The following RARB variants were observed in gnomAD, a reference collection of about 807,000 sequenced individuals.
RARB encodes the protein HBV-activated protein.
Under a neutral mutation model 51.9 loss-of-function variants are expected in RARB, and 17 were observed. The ratio of observed to expected loss-of-function variants is 0.33; its 90% CI spans 0.22 to 0.49. The LOEUF is 0.49. Ranked by LOEUF, RARB falls within the 20% of genes least tolerant of loss-of-function variation. The probability of loss-of-function intolerance (pLI) is 0.99; values close to 1 mark genes in which losing one functional copy is unlikely to be tolerated. For synonymous variants in RARB, 215 were observed against 195.4 expected, an observed-to-expected ratio of 1.10 and a Z score of -0.84; for missense variants, 369 against 550.8, an observed-to-expected ratio of 0.67 and a Z score of 3.30.
At chr3:25,212,899 C>G (rs557349771) in intron 5 of RARB, among the ~76,000 whole-genome samples, 1 of 152,134 alleles carries the variant, frequency 6.6e-6, no homozygotes, top group Non-Finnish European at 1.5e-5. Context: ...TACCAAAGGT[C>G]GCTCACTTGG....
intron 3 of RARB, among the ~76,000 whole-genome samples, chr3:25,551,474 G>A (rs148417633): frequency 6.6e-6 from 1 of 152,276 alleles, no homozygotes; most frequent in East Asian, 1.9e-4. Flanking sequence ...TGACTCATGG[G>A]CCCTCAGATG....
chr3:25,198,953 A>C (rs1317177365), intron 5 of RARB, among the ~76,000 whole-genome samples: 4 of 152,132 alleles, frequency 2.6e-5, no homozygotes, highest in East Asian at 1.9e-4. Context: ...ATATACCCCC[A>C]AAAAAGGAAA....
At chr3:24,935,521 G>A (rs1695531037) in intron 2 of RARB, among the ~76,000 whole-genome samples, 1 of 152,164 alleles carries the variant, frequency 6.6e-6, no homozygotes, top group Non-Finnish European at 1.5e-5. Context: ...CACAGCAGAA[G>A]TGGGCTTAAT....
chr3:25,165,945 TA>T (rs1291562514), intron 4 of RARB, among the ~76,000 whole-genome samples: 5 of 152,182 alleles, frequency 3.3e-5, no homozygotes, highest in African/African-American at 1.2e-4. Context: ...TATTTCTTTT[TA>T]AAATGGCCTA....
At chr3:25,185,967 A>G (rs1700966134) in intron 5 of RARB, among the ~76,000 whole-genome samples, 1 of 152,132 alleles carries the variant, frequency 6.6e-6, no homozygotes, top group African/African-American at 2.4e-5. Context: ...AGAACAGAAA[A>G]CAGAGTTGTA....
At chr3:25,185,273 C>A (rs750664032) in intron 5 of RARB, among the ~76,000 whole-genome samples, 67 of 152,034 alleles carry the variant, frequency 4.4e-4, no homozygotes, top group Non-Finnish European at 7.9e-4. Flanking sequence ...GAGTTCACAT[C>A]CAAGAAATAC....
At chr3:24,942,759 T>C (rs1280701610) in intron 2 of RARB, among the ~76,000 whole-genome samples, 1 of 152,194 alleles carries the variant, frequency 6.6e-6, no homozygotes, top group African/African-American at 2.4e-5. Flanking sequence ...ATTAGTGGCA[T>C]TGATAGAGAA....
At chr3:24,962,420 C>T (rs566499946) in intron 2 of RARB, among the ~76,000 whole-genome samples, 3 of 152,282 alleles carry the variant, frequency 2.0e-5, no homozygotes, top group Non-Finnish European at 4.4e-5. Flanking sequence ...TCAGATATGT[C>T]TCAAGGCACT....
intron 3 of RARB, among the ~76,000 whole-genome samples, chr3:25,120,928 T>C (rs1699774431): frequency 6.6e-6 from 1 of 152,152 alleles, no homozygotes; most frequent in Non-Finnish European, 1.5e-5. Flanking sequence ...GAGTAGTCGC[T>C]ACAGAGATCC....
At position 25,154,475 on chromosome 3, in the gene RARB, A is replaced by T. The variant is rs13067015; in HGVS notation, c.-279-19644A>T. Reference sequence around the variant, plus strand: ...GGAGACCAAAGTCTTGGGCCCTCTCAGTGGGACCCTTGCAATAGTCTCCTG... The same window carrying T: ...GGAGACCAAAGTCTTGGGCCCTCTCTGTGGGACCCTTGCAATAGTCTCCTG... On this transcript the variant is annotated intron_variant, in intron 4 of 11. Transcript: ENST00000383772. Among the ~76,000 whole-genome samples, 5 of 151,984 alleles carry T rather than the reference A, an allele frequency of 3.3e-5. No individual in the cohort carries two copies. The South Asian group carries it at 6.2e-4, about 19-fold the overall frequency.
At chr3:24,926,141 C>A (rs1490952649) in intron 2 of RARB, among the ~76,000 whole-genome samples, 2 of 152,018 alleles carry the variant, frequency 1.3e-5, no homozygotes, top group Non-Finnish European at 2.9e-5. Flanking sequence ...TTTATAGGAT[C>A]CTAATGCGGA....
chr3:24,909,814 T>C (rs950436474), intron 2 of RARB, among the ~76,000 whole-genome samples: 1 of 152,136 alleles, frequency 6.6e-6, no homozygotes, highest in Non-Finnish European at 1.5e-5. Context: ...TTATTTTTGA[T>C]GTCTGATTGT....
chr3:25,131,660 A>G (rs1462630698), intron 3 of RARB, among the ~76,000 whole-genome samples: 1 of 152,136 alleles, frequency 6.6e-6, no homozygotes, highest in African/African-American at 2.4e-5. Context: ...GATGGATCCT[A>G]TTCACCATAG....
intron 5 of RARB, among the ~76,000 whole-genome samples, chr3:25,214,563 G>C (rs1353992682): frequency 6.6e-6 from 1 of 152,138 alleles, no homozygotes; most frequent in Non-Finnish European, 1.5e-5. Context: ...TCGAATAAAT[G>C]GGACTGCAGA....
At chr3:25,052,545 T>C (rs1698352742) in intron 2 of RARB, among the ~76,000 whole-genome samples, 1 of 152,102 alleles carries the variant, frequency 6.6e-6, no homozygotes, top group East Asian at 1.9e-4. Context: ...TTATGACAAA[T>C]GTACAAGAAA....
intron 5 of RARB, among the ~76,000 whole-genome samples, chr3:25,366,159 C>A (rs1359319034): frequency 3.9e-5 from 6 of 152,184 alleles, no homozygotes; most frequent in Non-Finnish European, 8.8e-5. Context: ...CCATTTTCTT[C>A]AGTACCTGTT....
chr3:25,459,672 A>G (rs1411838254), intron 1 of RARB, among the ~76,000 whole-genome samples: 1 of 152,194 alleles, frequency 6.6e-6, no homozygotes, highest in Non-Finnish European at 1.5e-5. Context: ...GTGGGGATGG[A>G]TTAACAATAA....
intron 5 of RARB, among the ~76,000 whole-genome samples, chr3:25,416,636 G>A (rs576930155): frequency 6.6e-6 from 1 of 152,194 alleles, no homozygotes; most frequent in Non-Finnish European, 1.5e-5. Flanking sequence ...GCTCTGTTGT[G>A]CAAAAGCAGC....
intron 2 of RARB, among the ~76,000 whole-genome samples, chr3:24,913,293 C>A (rs1272353103): frequency 6.6e-6 from 1 of 151,658 alleles, no homozygotes; most frequent in East Asian, 1.9e-4. Context: ...CGGTACTGTT[C>A]TTTTCTTAAC....
Sources: allele counts gnomAD v4.1 joint callset (sites outside exome capture counted in the v4.1 genomes callset), GRCh38; gene constraint gnomAD v4.1.1; transcripts MANE v1.5; gene names NCBI Gene and HGNC (gene_info 2026-07-23, HGNC 2026-07-21).